The following ERAP1 variants were observed in gnomAD, a reference collection of about 807,000 sequenced individuals.
ERAP1 encodes adipocyte-derived leucine aminopeptidase.
Under a neutral mutation model 103.7 loss-of-function variants are expected in ERAP1, and 86 were observed. The ratio of observed to expected loss-of-function variants is 0.83; its 90% confidence interval spans 0.70 to 0.99. The LOEUF (loss-of-function observed/expected upper bound fraction) is 0.99. Ranked by LOEUF, ERAP1 falls within the 50% of genes least tolerant of loss-of-function variation. ERAP1 has a pLI of 0.00. For missense variants in ERAP1, 1,009 were observed against 1,128.4 expected (o/e 0.89, Z 1.52); for synonymous variants, 398 against 402.4 (o/e 0.99, Z 0.13).
the ERAP1 span, chr5:96,896,964 A>C: frequency 1.0e-6 from 1 of 957,496 alleles, no homozygotes; most frequent in Non-Finnish European, 1.4e-6. Context: ...AGTCAACCAT[A>C]TTTATTCTGC....
the ERAP1 span, among the ~76,000 whole-genome samples, chr5:96,841,975 A>G: frequency 6.6e-6 from 1 of 151,954 alleles, no homozygotes; most frequent in Non-Finnish European, 1.5e-5. Flanking sequence ...AGCTTATTAT[A>G]TCATTCTTAT....
the ERAP1 span, among the ~76,000 whole-genome samples, chr5:96,816,231 A>G: frequency 1.2e-3 from 178 of 152,330 alleles, no homozygotes; most frequent in Middle Eastern, 3.4e-3. Context: ...GACTATCTGA[A>G]TCGTTCCCTT....
chr5:96,855,653 C>G, the ERAP1 span, among the ~76,000 whole-genome samples: 1 of 152,202 alleles, frequency 6.6e-6, no homozygotes, highest in African/African-American at 2.4e-5. Flanking sequence ...AACTAGCTAA[C>G]CGTCAGAGGC....
chr5:96,854,620 A>G, the ERAP1 span, among the ~76,000 whole-genome samples: 2 of 152,228 alleles, frequency 1.3e-5, no homozygotes, highest in Non-Finnish European at 2.9e-5. Context: ...TGCATTAATA[A>G]TAAGATATTT....
chr5:96,802,393 T>A (rs1465752817), intron 2 of ERAP1, among the ~76,000 whole-genome samples: 1 of 152,008 alleles, frequency 6.6e-6, no homozygotes, highest in Admixed American at 6.5e-5. Flanking sequence ...TTATATAAAA[T>A]AATATATATG....
At chr5:96,828,489 A>C in the ERAP1 span, among the ~76,000 whole-genome samples, 1 of 152,228 alleles carries the variant, frequency 6.6e-6, no homozygotes, top group Non-Finnish European at 1.5e-5. Flanking sequence ...CAAATAAGTG[A>C]GAACTGATTA....
chr5:96,765,384 T>G, intron 19 of ERAP1: 1 of 809,184 alleles, frequency 1.2e-6, no homozygotes, highest in Non-Finnish European at 2.0e-6. Context: ...AATCCTTGGG[T>G]CTTGACTCTG....
At chr5:96,851,692 T>C in the ERAP1 span, among the ~76,000 whole-genome samples, 1 of 152,138 alleles carries the variant, frequency 6.6e-6, no homozygotes, top group African/African-American at 2.4e-5. Context: ...TTTCTGGCAC[T>C]CTCCCTCTTG....
chr5:96,793,655 T>C (rs1186353947), intron 6 of ERAP1, 142 bp from the exon 7 acceptor site: 4 of 1,066,700 alleles, frequency 3.7e-6, no homozygotes, highest in Non-Finnish European at 4.1e-6. Context: ...TCAACATGCA[T>C]TATAAGACAT....
At chr5:96,824,276 C>T in the ERAP1 span, among the ~76,000 whole-genome samples, 9 of 152,176 alleles carry the variant, frequency 5.9e-5, no homozygotes, top group Non-Finnish European at 1.3e-4. Flanking sequence ...TCAGAAAACA[C>T]ATTCCTCTGG....
chr5:96,921,684 C>A, the ERAP1 span, among the ~76,000 whole-genome samples: 1 of 152,180 alleles, frequency 6.6e-6, no homozygotes, highest in Non-Finnish European at 1.5e-5. Flanking sequence ...GGTCAGGAAA[C>A]TGGTTTTCTA....
the ERAP1 span, among the ~76,000 whole-genome samples, chr5:96,866,521 G>A: frequency 6.8e-4 from 103 of 152,250 alleles, no homozygotes; most frequent in South Asian, 0.016. Flanking sequence ...TGCCCAACCC[G>A]GTTGATACGC....
the ERAP1 span, among the ~76,000 whole-genome samples, chr5:96,928,572 G>T: frequency 6.6e-6 from 1 of 152,086 alleles, no homozygotes; most frequent in Non-Finnish European, 1.5e-5. Context: ...GTGCCTTTAG[G>T]GGGAGTATGG....
the ERAP1 span, among the ~76,000 whole-genome samples, chr5:96,923,697 A>G: frequency 2.0e-5 from 3 of 151,192 alleles, no homozygotes; most frequent in East Asian, 5.8e-4. Flanking sequence ...CTGTCTCAAA[A>G]AAAAAAAAAA....
intron 1 of ERAP1, among the ~76,000 whole-genome samples, chr5:96,807,560 G>GAGGGAC (rs1202687562): frequency 9.2e-5 from 14 of 152,156 alleles, no homozygotes; most frequent in African/African-American, 3.4e-4. Context: ...CACGCGCCCG[G>GAGGGAC]AGGGACAGGG....
the ERAP1 span, chr5:96,880,217 G>A: frequency 6.2e-7 from 1 of 1,614,004 alleles, no homozygotes; most frequent in Non-Finnish European, 8.5e-7. Flanking sequence ...TGGCTTTGAA[G>A]GGTTTTATAA....
At chr5:96,893,508 T>G in the ERAP1 span, among the ~76,000 whole-genome samples, 2 of 152,208 alleles carry the variant, frequency 1.3e-5, no homozygotes, top group Non-Finnish European at 2.9e-5. Flanking sequence ...GTTTTGATCA[T>G]GAGTCACCAG....
the ERAP1 span, among the ~76,000 whole-genome samples, chr5:96,845,703 G>A: frequency 4.5e-3 from 508 of 111,820 alleles, 3 homozygotes; most frequent in Non-Finnish European, 8.4e-3. Context: ...GCAATTTCCT[G>A]TATGATCTTG....
At chr5:96,833,347 A>G in the ERAP1 span, among the ~76,000 whole-genome samples, 1 of 152,194 alleles carries the variant, frequency 6.6e-6, no homozygotes, top group Non-Finnish European at 1.5e-5. Context: ...GATGTTCATT[A>G]CACCTTCTGT....
Sources: allele counts gnomAD v4.1 joint callset (sites outside exome capture counted in the v4.1 genomes callset), GRCh38; gene constraint gnomAD v4.1.1; transcripts MANE v1.5; gene names NCBI Gene and HGNC (gene_info 2026-07-23, HGNC 2026-07-21).